Variants in UNC5C observed in about 807,000 individuals in gnomAD.
UNC5C encodes unc-5 netrin receptor C, also known as netrin receptor UNC5C.
In UNC5C, 47 loss-of-function variants were observed where a neutral mutation model predicts 99.8. The ratio of observed to expected loss-of-function variants is 0.47; its 90% CI spans 0.37 to 0.60. The LOEUF (loss-of-function observed/expected upper bound fraction) is 0.60. Among genes scored for constraint, UNC5C ranks in the 20% least tolerant of loss-of-function variants. The pLI, the probability that UNC5C is intolerant of heterozygous loss-of-function variation, is 0.00. For synonymous variants in UNC5C, 487 were observed against 452.2 expected (o/e 1.08, Z -0.98); for missense variants, 1,062 against 1,165.9 (o/e 0.91, Z 1.30).
chr4:95,546,935 T>TC (rs1336497175), intron 1 of UNC5C, among the ~76,000 whole-genome samples: 1 of 151,572 alleles, frequency 6.6e-6, no homozygotes, highest in African/African-American at 2.4e-5. Flanking sequence ...CCCGTCCCCC[T>TC]CTCCCGCCAC....
At chr4:95,540,929 T>C (rs962049129) in intron 1 of UNC5C, among the ~76,000 whole-genome samples, 6 of 152,210 alleles carry the variant, frequency 3.9e-5, no homozygotes, top group African/African-American at 7.2e-5. Flanking sequence ...TTTTAGTTTC[T>C]ATAAAAGTTA....
intron 1 of UNC5C, among the ~76,000 whole-genome samples, chr4:95,425,471 G>C (rs980612609): frequency 1.3e-5 from 2 of 152,098 alleles, no homozygotes; most frequent in African/African-American, 2.4e-5. Flanking sequence ...ACAGGCGCTC[G>C]CCACCACGCC....
At chr4:95,510,046 A>T (rs1722029541) in intron 1 of UNC5C, among the ~76,000 whole-genome samples, 1 of 151,998 alleles carries the variant, frequency 6.6e-6, no homozygotes, top group Non-Finnish European at 1.5e-5. Context: ...CAGAAATTGG[A>T]AGTATAACTA....
chr4:95,343,915 GA>G (rs776501283), intron 1 of UNC5C, among the ~76,000 whole-genome samples: 1 of 151,760 alleles, frequency 6.6e-6, no homozygotes, highest in Non-Finnish European at 1.5e-5. Flanking sequence ...AAAAGAATGA[GA>G]AAAAAATGAA....
intron 1 of UNC5C, among the ~76,000 whole-genome samples, chr4:95,443,534 G>T (rs147844653): frequency 3.0e-4 from 45 of 152,270 alleles, no homozygotes; most frequent in African/African-American, 8.7e-4. Flanking sequence ...ATCATTTGCT[G>T]CAAGGATGCA....
intron 1 of UNC5C, among the ~76,000 whole-genome samples, chr4:95,358,897 C>A (rs1744296710): frequency 6.6e-6 from 1 of 152,124 alleles, no homozygotes; most frequent in African/African-American, 2.4e-5. Flanking sequence ...TGAAATATGA[C>A]AAATGTTTCC....
chr4:95,285,881 C>A (rs1741216221), intron 3 of UNC5C, among the ~76,000 whole-genome samples: 1 of 152,090 alleles, frequency 6.6e-6, no homozygotes, highest in Admixed American at 6.6e-5. Flanking sequence ...GGTCTGAAAA[C>A]CACTGGGTAG....
At chr4:95,266,886 G>T (rs1438294542) in intron 4 of UNC5C, among the ~76,000 whole-genome samples, 2 of 152,130 alleles carry the variant, frequency 1.3e-5, no homozygotes, top group African/African-American at 4.8e-5. Flanking sequence ...TATGGGATAA[G>T]TTATAATCCA....
chr4:95,366,780 C>T (rs1351841620), intron 1 of UNC5C, among the ~76,000 whole-genome samples: 1 of 152,126 alleles, frequency 6.6e-6, no homozygotes, highest in African/African-American at 2.4e-5. Context: ...ATTTTTGTCA[C>T]ATTAAAACAG....
intron 1 of UNC5C, among the ~76,000 whole-genome samples, chr4:95,464,140 A>G (rs1394829504): frequency 2.0e-5 from 3 of 152,180 alleles, no homozygotes; most frequent in African/African-American, 7.2e-5. Context: ...GGAGGGAAAC[A>G]TCTCATTTTC....
intron 1 of UNC5C, among the ~76,000 whole-genome samples, chr4:95,517,637 T>C (rs1188163921): frequency 6.6e-6 from 1 of 152,128 alleles, no homozygotes; most frequent in Non-Finnish European, 1.5e-5. Flanking sequence ...CCCAACCCTG[T>C]ACTGAAATAA....
At chr4:95,481,634 C>G (rs1334944055) in intron 1 of UNC5C, among the ~76,000 whole-genome samples, 9 of 152,132 alleles carry the variant, frequency 5.9e-5, no homozygotes, top group Admixed American at 1.3e-4. Context: ...GTAACCAAAA[C>G]AGCATGGTAC....
chr4:95,214,761 A>G (rs1738191284), intron 10 of UNC5C, among the ~76,000 whole-genome samples: 1 of 152,238 alleles, frequency 6.6e-6, no homozygotes, highest in Non-Finnish European at 1.5e-5. Context: ...TGATGGATAG[A>G]TGTACTTAAT....
chr4:95,462,913 T>C (rs1747647930), intron 1 of UNC5C, among the ~76,000 whole-genome samples: 1 of 152,140 alleles, frequency 6.6e-6, no homozygotes, highest in Non-Finnish European at 1.5e-5. Flanking sequence ...GAGGGGGTGA[T>C]GGCCTTGAGG....
chr4:95,443,581 T>C (rs265024), intron 1 of UNC5C, among the ~76,000 whole-genome samples: 81,852 of 151,902 alleles, frequency 0.54, 22,310 homozygotes, highest in East Asian at 0.76. Context: ...AATAAATAAT[T>C]CTTTTATTTG....
chr4:95,373,843 C>G (rs983716543), intron 1 of UNC5C, among the ~76,000 whole-genome samples: 3 of 152,072 alleles, frequency 2.0e-5, no homozygotes, highest in African/African-American at 7.2e-5. Context: ...AATAAGAAAG[C>G]AGGAGTAAAA....
intron 2 of UNC5C, among the ~76,000 whole-genome samples, chr4:95,304,692 G>A (rs1030839720): frequency 6.6e-6 from 1 of 151,928 alleles, no homozygotes; most frequent in Non-Finnish European, 1.5e-5. Flanking sequence ...TAAGATTACT[G>A]TAGTAACTTA....
chr4:95,201,276 C>G (rs1005200810), intron 12 of UNC5C, among the ~76,000 whole-genome samples: 6 of 152,134 alleles, frequency 3.9e-5, no homozygotes, highest in Admixed American at 1.3e-4. Context: ...AGGAACTTGA[C>G]CTTCCGCCCC....
intron 1 of UNC5C, among the ~76,000 whole-genome samples, chr4:95,540,854 T>A: frequency 6.6e-6 from 1 of 152,172 alleles, no homozygotes; most frequent in East Asian, 1.9e-4. Flanking sequence ...TGATTTTGAT[T>A]AGTAATAATA....
Sources: gnomAD v4.1 joint callset for allele counts (sites outside exome capture counted in the v4.1 genomes callset) on GRCh38, gnomAD v4.1.1 for gene constraint, MANE v1.5 for transcripts, NCBI Gene and HGNC (gene_info 2026-07-23, HGNC 2026-07-21) for gene names.